WFDC11: variants seen among roughly 807,000 people sequenced by gnomAD.
WFDC11 encodes WAP four-disulfide core domain 11.
In WFDC11, 9 loss-of-function variants were observed where a neutral mutation model predicts 9.9. That is an observed-to-expected ratio of 0.91 (90% CI 0.55 to 1.58). The LOEUF (loss-of-function observed/expected upper bound fraction) is 1.58, where lower values mean the gene tolerates loss of function less well. Among genes scored for constraint, WFDC11 ranks in the 40% most tolerant of loss-of-function variants. WFDC11 has a pLI of 0.00. For missense variants in WFDC11, 106 were observed against 101.7 expected, an observed-to-expected ratio of 1.04 and a Z score of -0.18; for synonymous variants, 32 against 33.3, an observed-to-expected ratio of 0.96 and a Z score of 0.13.
At position 45,665,284 on chromosome 20, in the gene WFDC11, T is replaced by C. The variant is rs1239508329; in HGVS notation, c.-52+1804A>G. Among the ~76,000 whole-genome samples, 7 of 152,348 alleles carry C rather than the reference T, an allele frequency of 4.6e-5. No homozygotes were observed. The East Asian group carries it at 1.2e-3, about 25-fold the overall frequency. On this transcript the variant is annotated intron_variant, in intron 2 of 4. Coordinates refer to ENST00000324384, the MANE Select transcript of WFDC11 (RefSeq NM_147197.2). ...CTCCATCAGGTCATTTAAGGTCTTC[T>C]CTACACTGTTTATTCTGGTTAGCCA...
intron 2 of WFDC11, among the ~76,000 whole-genome samples, chr20:45,652,457 G>T (rs1435563807): frequency 6.6e-6 from 1 of 151,996 alleles, no homozygotes; most frequent in Non-Finnish European, 1.5e-5. Context: ...AAAGACCAAA[G>T]GTAGATAAAA....
In WFDC11 at chr20:45,650,620, GTC is replaced by G; in HGVS notation, c.-22_-21del. 1 of 1,595,548 alleles carries G rather than the reference GTC, an allele frequency of 6.3e-7. No homozygotes were observed. Among genetic ancestry groups the G allele is most frequent in the Non-Finnish European group, 8.6e-7 (1 of 1,163,302 alleles). On this transcript the variant is annotated 5_prime_UTR_variant, in exon 3 of 5. Transcript: ENST00000324384. ...GACCATATGTGTCTGAATATGTGTT[GTC>G]AGAAGGATTATTTTTCTTCCCAGTC...
intron 2 of WFDC11, among the ~76,000 whole-genome samples, chr20:45,665,042 T>C (rs1198169980): frequency 6.6e-6 from 1 of 152,260 alleles, no homozygotes; most frequent in Non-Finnish European, 1.5e-5. Flanking sequence ...CTCATCACTT[T>C]CAGGTACACC....
chr20:45,658,307 A>G (rs1406564742), intron 2 of WFDC11, among the ~76,000 whole-genome samples: 3 of 152,316 alleles, frequency 2.0e-5, no homozygotes, highest in Non-Finnish European at 2.9e-5. Context: ...ATGCTATACA[A>G]CAAGTCTCTG....
At chr20:45,661,915 C>T (rs1381656112) in intron 2 of WFDC11, among the ~76,000 whole-genome samples, 1 of 151,992 alleles carries the variant, frequency 6.6e-6, no homozygotes, top group Non-Finnish European at 1.5e-5. Context: ...TTTTTTGGTT[C>T]CATATGAACT....
intron 2 of WFDC11, among the ~76,000 whole-genome samples, chr20:45,657,333 A>T (rs1982955812): frequency 6.6e-6 from 1 of 151,276 alleles, no homozygotes. Flanking sequence ...TATCGCAAGG[A>T]CAAAAAACCA....
At chr20:45,654,856 C>T (rs899682432) in intron 2 of WFDC11, among the ~76,000 whole-genome samples, 1 of 152,212 alleles carries the variant, frequency 6.6e-6, no homozygotes, top group Admixed American at 6.5e-5. Context: ...TTCCTTGACA[C>T]CTACACCCTC....
chr20:45,664,141 G>A (rs912053958), intron 2 of WFDC11, among the ~76,000 whole-genome samples: 1 of 152,194 alleles, frequency 6.6e-6, no homozygotes, highest in Non-Finnish European at 1.5e-5. Context: ...AAGATAGTTA[G>A]CTCTTCTTGT....
At chr20:45,661,276 C>A (rs1983058383) in intron 2 of WFDC11, among the ~76,000 whole-genome samples, 1 of 151,872 alleles carries the variant, frequency 6.6e-6, no homozygotes, top group African/African-American at 2.4e-5. Flanking sequence ...TTGTTTTTTT[C>A]TTGTAAATTT....
chr20:45,661,206 A>C (rs1983055585), intron 2 of WFDC11, among the ~76,000 whole-genome samples: 1 of 152,124 alleles, frequency 6.6e-6, no homozygotes, highest in Non-Finnish European at 1.5e-5. Flanking sequence ...TTGGCTGCAT[A>C]AATGTCTTCT....
intron 2 of WFDC11, among the ~76,000 whole-genome samples, chr20:45,660,294 G>C (rs1299320547): frequency 6.6e-6 from 1 of 152,044 alleles, no homozygotes; most frequent in African/African-American, 2.4e-5. Context: ...TCAGGAACAG[G>C]TTATTTAATT....
intron 2 of WFDC11, among the ~76,000 whole-genome samples, chr20:45,662,210 C>T (rs1210019587): frequency 6.6e-6 from 1 of 152,108 alleles, no homozygotes; most frequent in Non-Finnish European, 1.5e-5. Flanking sequence ...CATGATTTGG[C>T]TCTCTGTTTG....
At chr20:45,667,304 A>G (rs1487319) in intron 1 of WFDC11, 135 bp from the exon 2 acceptor site, 28,889 of 152,128 alleles carry the variant, frequency 0.19, 2,997 homozygotes, top group East Asian at 0.32. Context: ...CTGAATTCCT[A>G]TTCAAGGAGT....
chr20:45,657,644 A>C (rs1422961862), intron 2 of WFDC11, among the ~76,000 whole-genome samples: 1 of 152,166 alleles, frequency 6.6e-6, no homozygotes, highest in East Asian at 1.9e-4. Context: ...TATAAAACTA[A>C]AGCAGCCATG....
chr20:45,669,584 C>T (rs1370518074), intron 1 of WFDC11, among the ~76,000 whole-genome samples: 1 of 152,014 alleles, frequency 6.6e-6, no homozygotes, highest in Non-Finnish European at 1.5e-5. Context: ...TTTTGGTAAA[C>T]AACAAAATTA....
chr20:45,664,607 G>C lies in WFDC11; in HGVS notation c.-52+2481C>G, dbSNP rs141371816. 5.7e-3 allele frequency among the ~76,000 whole-genome samples: 875 copies of C among 152,276 alleles called. 5 individuals are homozygous for C. Among genetic ancestry groups the C allele is most frequent in the African/African-American group, 0.019 (783 of 41,550 alleles). ...CTTCCTTCAGGGCCCTTGTAAGACA[G>C]GCCTGGTGGTGACAAAATCTCTCAG... On this transcript the variant is annotated intron_variant, in intron 2 of 4. Coordinates refer to ENST00000324384, the MANE Select transcript of WFDC11 (RefSeq NM_147197.2).
At chr20:45,660,176 C>A (rs1199873071) in intron 2 of WFDC11, among the ~76,000 whole-genome samples, 1 of 152,134 alleles carries the variant, frequency 6.6e-6, no homozygotes. Context: ...CCTGTTAGCA[C>A]TGCCTTTGCT....
At chr20:45,649,867 T>C (rs1211800528) in intron 3 of WFDC11, among the ~76,000 whole-genome samples, 3 of 152,150 alleles carry the variant, frequency 2.0e-5, no homozygotes, top group African/African-American at 7.2e-5. Context: ...ACTTGCTGAC[T>C]CTGTGTTTAA....
chr20:45,650,666 A>G lies in WFDC11; in HGVS notation c.-51-15T>C. On this transcript the variant is annotated splice_polypyrimidine_tract_variant and intron_variant, in intron 2 of 4. Coordinates refer to ENST00000324384, the MANE Select transcript of WFDC11 (RefSeq NM_147197.2). The stretch of plus-strand genomic sequence containing the variant: ...CCCAGTCGCTGCTAGAGATCAAGAC[A>G]TATAAATAGGGAAAGAGAGGTGTGA... 5.3e-6 allele frequency: 7 copies of G among 1,329,584 alleles called. No individual in the cohort carries two copies. Among genetic ancestry groups the G allele is most frequent in the Admixed American group, 1.7e-5 (1 of 58,366 alleles). The allele number at this position is 1,329,584 out of a possible 1,614,324, so 82.4% of individuals were successfully genotyped here.
Sources: gnomAD v4.1 joint callset for allele counts (sites outside exome capture counted in the v4.1 genomes callset) on GRCh38, gnomAD v4.1.1 for gene constraint, MANE v1.5 for transcripts, NCBI Gene and HGNC (gene_info 2026-07-23, HGNC 2026-07-21) for gene names.